The following MTERF4 variants were observed in gnomAD, a reference collection of about 807,000 sequenced individuals.
MTERF4 encodes transcription termination factor 4, mitochondrial.
In MTERF4, 17 loss-of-function variants were observed where a neutral mutation model predicts 22.5. The ratio of observed to expected loss-of-function variants is 0.75; its 90% CI spans 0.52 to 1.13. MTERF4 has a LOEUF of 1.13. Among genes scored for constraint, MTERF4 ranks in the 50% most tolerant of loss-of-function variants. The pLI, the probability that MTERF4 is intolerant of heterozygous loss-of-function variation, is 0.00. For missense variants in MTERF4, 420 were observed against 466.8 expected (o/e 0.90, Z 0.92); for synonymous variants, 165 against 175.3 (o/e 0.94, Z 0.47).
the MTERF4 span, among the ~76,000 whole-genome samples, chr2:241,057,217 A>G: frequency 1.3e-5 from 2 of 151,606 alleles, no homozygotes; most frequent in African/African-American, 4.9e-5. Context: ...CATCTCTACT[A>G]AAAATACAAA....
chr2:241,090,968 G>A (rs370546124), downstream of MTERF4, among the ~76,000 whole-genome samples: 4 of 152,064 alleles, frequency 2.6e-5, no homozygotes, highest in East Asian at 1.9e-4. Context: ...GTCCTTCATC[G>A]TGCAGTGCCT....
chr2:241,080,766 T>G (rs2063289419), intron 4 of MTERF4, among the ~76,000 whole-genome samples: 1 of 152,194 alleles, frequency 6.6e-6, no homozygotes, highest in African/African-American at 2.4e-5. Context: ...GTGGGCAACT[T>G]TGGAGCTTGC....
downstream of MTERF4, chr2:241,087,649 A>G (rs1044617839): frequency 2.3e-5 from 33 of 1,412,934 alleles, no homozygotes; most frequent in Non-Finnish European, 3.0e-5. Context: ...ATGTCCATAT[A>G]TGTGCATGTG....
chr2:241,069,311 T>G (rs1051029534), downstream of MTERF4, among the ~76,000 whole-genome samples: 6 of 152,188 alleles, frequency 3.9e-5, no homozygotes, highest in African/African-American at 1.4e-4. The surrounding 1 kb of genome is among the most constrained non-coding windows in gnomAD (Gnocchi z 4.9). Flanking sequence ...AGGACCTCAC[T>G]GGGCCAGGGA....
chr2:241,094,361 G>C (rs1272084181), downstream of MTERF4: 1 of 470,712 alleles, frequency 2.1e-6, no homozygotes, highest in African/African-American at 2.0e-5. This position sits in a 1 kb window ranked among gnomAD's most constrained non-coding sequence, Gnocchi z 4.3. Flanking sequence ...GATGTGGACG[G>C]AGTCACCGAG....
At chr2:241,049,197 G>A in the MTERF4 span, 15 of 1,308,130 alleles carry the variant, frequency 1.1e-5, no homozygotes, top group South Asian at 2.5e-5. Flanking sequence ...GGGAGAAAGC[G>A]GTGGATGAGG....
chr2:241,047,517 C>T, the MTERF4 span, among the ~76,000 whole-genome samples: 4 of 152,342 alleles, frequency 2.6e-5, no homozygotes, highest in Non-Finnish European at 5.9e-5. Context: ...TCACGTTATT[C>T]TCAAGTGCTC....
chr2:241,102,176 C>T (rs1208296314), intron 1 of MTERF4, 77 bp downstream of exon 1: 5 of 1,542,980 alleles, frequency 3.2e-6, no homozygotes, highest in South Asian at 1.2e-5. Flanking sequence ...GTGAAACACT[C>T]GGCGGCCGCG....
intron 1 of MTERF4, among the ~76,000 whole-genome samples, chr2:241,100,391 C>T (rs1210733016): frequency 6.6e-6 from 1 of 152,192 alleles, no homozygotes; most frequent in Non-Finnish European, 1.5e-5. Flanking sequence ...TCTCCTTCAC[C>T]TCCTCTTCAG....
the MTERF4 span, chr2:241,065,107 G>C: frequency 7.4e-6 from 6 of 814,164 alleles, no homozygotes; most frequent in Non-Finnish European, 9.5e-6. Flanking sequence ...CCCCCGGTGG[G>C]CTTGAAACAC....
At chr2:241,048,256 G>C in the MTERF4 span, 2 of 1,512,848 alleles carry the variant, frequency 1.3e-6, no homozygotes, top group Non-Finnish European at 1.8e-6. Context: ...AGCTGGGCGG[G>C]GAGACCACTC....
At chr2:241,098,740 T>C (rs2064565870) in intron 2 of MTERF4, among the ~76,000 whole-genome samples, 1 of 151,614 alleles carries the variant, frequency 6.6e-6, no homozygotes, top group Non-Finnish European at 1.5e-5. Flanking sequence ...GATTTAAACA[T>C]CAAATGCTAT....
downstream of MTERF4, among the ~76,000 whole-genome samples, chr2:241,085,796 T>C (rs2125323351): frequency 6.6e-6 from 1 of 152,042 alleles, no homozygotes. Context: ...TAGGTGGCTT[T>C]GGAGTAGCCT....
downstream of MTERF4, among the ~76,000 whole-genome samples, chr2:241,091,298 C>T (rs569923927): frequency 6.6e-6 from 1 of 152,296 alleles, no homozygotes; most frequent in Non-Finnish European, 1.5e-5. This position sits in a 1 kb window ranked among gnomAD's most constrained non-coding sequence, Gnocchi z 4.1. Flanking sequence ...GACCCAGAGT[C>T]GTTACCGGAA....
rs2062870696 is a variant in MTERF4 at position 241,073,818 on chromosome 2, G to A, written n.2344C>T. The A allele has an allele frequency of 4.0e-6, 1 of 250,078 alleles. No individual in the cohort carries two copies. The highest frequency in any genetic ancestry group is 7.7e-6 in the Non-Finnish European group (1 of 130,086). 15.5% of individuals were successfully genotyped at this position (250,078 alleles called of 1,614,324 possible). On this transcript the variant is annotated non_coding_transcript_exon_variant, in exon 5 of 5. Coordinates refer to the MTERF4 transcript ENST00000464344. This position sits in a 1 kb window ranked among gnomAD's most constrained non-coding sequence, Gnocchi z 6.6. Reference sequence around the variant, plus strand: ...CTAGCTGGGCCCTGTGGACACTCAGGTTATGCAGGACCTGAACTGTCTCCT... The same window carrying A: ...CTAGCTGGGCCCTGTGGACACTCAGATTATGCAGGACCTGAACTGTCTCCT...
downstream of MTERF4, chr2:241,090,453 AAAT>A (rs149203055): frequency 1.6e-3 from 2,476 of 1,536,240 alleles, 37 homozygotes; most frequent in African/African-American, 0.031. Context: ...GTACACTCTA[AAAT>A]AATGATGAAG....
the MTERF4 span, among the ~76,000 whole-genome samples, chr2:241,057,018 T>C: frequency 0.015 from 2,283 of 152,206 alleles, 52 homozygotes; most frequent in African/African-American, 0.053. Flanking sequence ...TAATTGGACA[T>C]TTTCTAAAAA....
downstream of MTERF4, chr2:241,087,124 CCATAT>C (rs2063622334): frequency 2.4e-6 from 1 of 409,940 alleles, no homozygotes; most frequent in South Asian, 5.4e-5. Context: ...ATTTTTAGTA[CCATAT>C]CCTTTGTCAG....
chr2:241,050,624 G>T, the MTERF4 span, among the ~76,000 whole-genome samples: 1 of 152,180 alleles, frequency 6.6e-6, no homozygotes, highest in Admixed American at 6.5e-5. Context: ...GGACCCCGTG[G>T]CTCCCCCAAC....
Sources: allele counts gnomAD v4.1 joint callset (sites outside exome capture counted in the v4.1 genomes callset), GRCh38; gene constraint gnomAD v4.1.1; non-coding constraint Gnocchi (gnomAD v3.1); transcripts MANE v1.5; gene names NCBI Gene and HGNC (gene_info 2026-07-23, HGNC 2026-07-21).